Variants in LRP1B observed in about 807,000 individuals in gnomAD.
The protein encoded by LRP1B is low-density lipoprotein receptor-related protein 1B.
LRP1B carries 217 observed loss-of-function variants against 556.6 expected under a neutral mutation model. The observed-to-expected ratio is 0.39, with a 90% CI of 0.35 to 0.44. The LOEUF (loss-of-function observed/expected upper bound fraction) is 0.44, where lower values mean the gene tolerates loss of function less well. Ranked by LOEUF, LRP1B falls within the 20% of genes least tolerant of loss-of-function variation. The pLI is 1.00. For missense variants in LRP1B, 5,053 were observed against 5,620.8 expected, an observed-to-expected ratio of 0.90 and a Z score of 3.23; for synonymous variants, 2,047 against 1,865.8, an observed-to-expected ratio of 1.10 and a Z score of -2.50.
intron 43 of LRP1B, among the ~76,000 whole-genome samples, chr2:140,569,277 G>T (rs1681237214): frequency 1.3e-5 from 2 of 151,876 alleles, no homozygotes; most frequent in Admixed American, 1.3e-4. Context: ...CTGGCTGAAA[G>T]AATAATAAAA....
chr2:141,512,546 G>A (rs1684168726), intron 2 of LRP1B, among the ~76,000 whole-genome samples: 1 of 152,162 alleles, frequency 6.6e-6, no homozygotes, highest in African/African-American at 2.4e-5. Flanking sequence ...CTCCAGCTTA[G>A]TTCCTGAATG....
chr2:141,376,349 C>G (rs1293047337), intron 3 of LRP1B, among the ~76,000 whole-genome samples: 1 of 152,196 alleles, frequency 6.6e-6, no homozygotes, highest in African/African-American at 2.4e-5. Flanking sequence ...TTCTCTCTTA[C>G]TGTTTCCCCA....
intron 83 of LRP1B, among the ~76,000 whole-genome samples, chr2:140,301,196 A>G (rs752316605): frequency 3.3e-5 from 5 of 152,054 alleles, no homozygotes; most frequent in Admixed American, 6.6e-5. Context: ...CTACCTTTCT[A>G]AAGGAAAGAA....
intron 7 of LRP1B, among the ~76,000 whole-genome samples, chr2:141,109,534 A>G (rs1330002886): frequency 6.6e-6 from 1 of 152,190 alleles, no homozygotes; most frequent in East Asian, 1.9e-4. Context: ...TTCCTAGAGA[A>G]GCCTCAAAAG....
intron 35 of LRP1B, among the ~76,000 whole-genome samples, chr2:140,745,071 T>G (rs1175433905): frequency 6.6e-6 from 1 of 152,182 alleles, no homozygotes; most frequent in South Asian, 2.1e-4. Context: ...GAAATTAGCC[T>G]GGTAGTAGAA....
In LRP1B at chr2:141,013,734, A is replaced by C. The variant is rs1191838138; in HGVS notation, c.2202T>G (p.Ser734Arg). ...LNGTHRKIVY[S>R]GRELNHPFGL... ...CGAAAGGGTGGTTCAACTCTCTCCC[A>C]CTGTAAACAATCTGTAAAATATAAA... is the stretch of plus-strand genomic sequence containing the variant. Residue 734 changes from serine to arginine, a missense_variant, in exon 14 of 91, where the codon AGT (serine) becomes AGG (arginine). Ser to Arg is a moderately radical substitution (Grantham distance 110). Coordinates refer to ENST00000389484, the MANE Select transcript of LRP1B (RefSeq NM_018557.3). 1.9e-6 allele frequency: 3 copies of C among 1,568,324 alleles called. No individual in the cohort carries two copies.
At position 142,016,693 on chromosome 2, in the gene LRP1B, G is replaced by C. The variant is rs150322091; in HGVS notation, c.82+113955C>G. Among the ~76,000 whole-genome samples the C allele has an allele frequency of 6.3e-3, 958 of 152,014 alleles. 10 individuals carry two copies. The highest frequency in any genetic ancestry group is 0.022 in the African/African-American group (918 of 41,438). ...GGGCCTGTTGGGGGGTAGGGGCTAG[G>C]GGATGGATAGCATTAGTAGAAATAC... On this transcript the variant is annotated intron_variant, in intron 1 of 90. Coordinates refer to ENST00000389484, the MANE Select transcript of LRP1B (RefSeq NM_018557.3).
intron 2 of LRP1B, among the ~76,000 whole-genome samples, chr2:141,692,866 A>G (rs1691597275): frequency 6.6e-6 from 1 of 152,074 alleles, no homozygotes; most frequent in Admixed American, 6.6e-5. Flanking sequence ...ATAGAAAAAT[A>G]CAGTAAAAAT....
At chr2:141,711,932 C>A (rs1692373967) in intron 2 of LRP1B, among the ~76,000 whole-genome samples, 1 of 147,146 alleles carries the variant, frequency 6.8e-6, no homozygotes. Flanking sequence ...CTCTCTCTGT[C>A]ATAAATATGA....
intron 20 of LRP1B, among the ~76,000 whole-genome samples, chr2:140,928,876 T>G (rs1694965520): frequency 6.6e-6 from 1 of 151,992 alleles, no homozygotes; most frequent in Admixed American, 6.6e-5. Context: ...AGAGCTTAAT[T>G]TTTACAGAAA....
At chr2:141,102,319 C>T (rs971901943) in intron 7 of LRP1B, among the ~76,000 whole-genome samples, 1 of 152,146 alleles carries the variant, frequency 6.6e-6, no homozygotes, top group Non-Finnish European at 1.5e-5. Flanking sequence ...TGTATTTAGA[C>T]TCCTCTGTTT....
At chr2:140,466,127 T>C (rs1190010084) in intron 60 of LRP1B, among the ~76,000 whole-genome samples, 1 of 148,858 alleles carries the variant, frequency 6.7e-6, no homozygotes, top group East Asian at 1.9e-4. Flanking sequence ...CTTTTTTCTT[T>C]TTTTTTTTTT....
intron 3 of LRP1B, among the ~76,000 whole-genome samples, chr2:141,284,863 A>G (rs1685645344): frequency 6.6e-6 from 1 of 152,202 alleles, no homozygotes; most frequent in Admixed American, 6.5e-5. Flanking sequence ...TTAAAGTTTT[A>G]AAATAAGTCT....
intron 35 of LRP1B, among the ~76,000 whole-genome samples, chr2:140,766,800 A>G (rs997557160): frequency 8.5e-5 from 12 of 141,914 alleles, no homozygotes; most frequent in Admixed American, 5.0e-4. Flanking sequence ...ATTTAAATGT[A>G]GCTTCCAGGG....
chr2:141,899,531 TGA>T (rs1440133573), intron 1 of LRP1B, among the ~76,000 whole-genome samples: 1 of 152,082 alleles, frequency 6.6e-6, no homozygotes, highest in Non-Finnish European at 1.5e-5. Flanking sequence ...GGGATTCAGG[TGA>T]GAGCTAGCTT....
At chr2:141,488,616 A>G (rs1369893489) in intron 2 of LRP1B, among the ~76,000 whole-genome samples, 1 of 151,746 alleles carries the variant, frequency 6.6e-6, no homozygotes, top group Non-Finnish European at 1.5e-5. Flanking sequence ...GTGTCACCAA[A>G]CCTGGCTAAT....
intron 18 of LRP1B, among the ~76,000 whole-genome samples, chr2:140,968,558 T>C (rs1026503632): frequency 2.0e-5 from 3 of 152,108 alleles, no homozygotes; most frequent in African/African-American, 7.2e-5. Context: ...TAGTTATTTC[T>C]TGCCTTCTGC....
At chr2:141,336,948 G>A (rs951892633) in intron 3 of LRP1B, among the ~76,000 whole-genome samples, 1 of 152,074 alleles carries the variant, frequency 6.6e-6, no homozygotes, top group Non-Finnish European at 1.5e-5. Flanking sequence ...CCATTGAAGG[G>A]CATTTGGCTT....
intron 6 of LRP1B, among the ~76,000 whole-genome samples, chr2:141,225,272 G>A (rs1683200195): frequency 6.6e-6 from 1 of 152,162 alleles, no homozygotes; most frequent in Non-Finnish European, 1.5e-5. Context: ...TGATCCTTGA[G>A]TTTTTCAGAG....
Sources: gnomAD v4.1 joint callset for allele counts (sites outside exome capture counted in the v4.1 genomes callset) on GRCh38, gnomAD v4.1.1 for gene constraint, MANE v1.5 for transcripts, NCBI Gene and HGNC (gene_info 2026-07-23, HGNC 2026-07-21) for gene names.